The following ANGPT1 variants were observed in gnomAD, a reference collection of about 807,000 sequenced individuals.
The protein encoded by ANGPT1 is angiopoietin-1.
Under a neutral mutation model 62.2 loss-of-function variants are expected in ANGPT1, and 17 were observed. That is an observed-to-expected ratio of 0.27 (90% CI 0.19 to 0.41). The LOEUF is 0.41. Ranked by LOEUF, ANGPT1 falls within the 10% of genes least tolerant of loss-of-function variation. The pLI is 1.00. For synonymous variants in ANGPT1, 199 were observed against 198.9 expected, an observed-to-expected ratio of 1.00 and a Z score of 0.00; for missense variants, 478 against 594.9, an observed-to-expected ratio of 0.80 and a Z score of 2.04.
chr8:107,306,962 G>A (rs938157666), intron 4 of ANGPT1, among the ~76,000 whole-genome samples: 21 of 151,986 alleles, frequency 1.4e-4, no homozygotes, highest in African/African-American at 5.1e-4. Flanking sequence ...AGATGTCAGG[G>A]GGAACCTTCC....
intron 5 of ANGPT1, chr8:107,294,546 G>T (rs1257175654): frequency 6.6e-6 from 1 of 152,228 alleles, no homozygotes; most frequent in Non-Finnish European, 1.5e-5. Context: ...ATATGTACAT[G>T]TTACAGTAGA....
chr8:107,345,217 C>T (rs1815778594), intron 2 of ANGPT1, among the ~76,000 whole-genome samples: 1 of 152,112 alleles, frequency 6.6e-6, no homozygotes, highest in Admixed American at 6.5e-5. Flanking sequence ...CTCACTGTAT[C>T]TAATAAACTT....
chr8:107,298,778 T>C (rs1814481627), intron 5 of ANGPT1, among the ~76,000 whole-genome samples: 1 of 151,830 alleles, frequency 6.6e-6, no homozygotes, highest in Admixed American at 6.6e-5. Flanking sequence ...TAGTTTATTT[T>C]TTCGTCCATA....
At chr8:107,387,849 C>T (rs922391689) in intron 1 of ANGPT1, among the ~76,000 whole-genome samples, 3 of 151,690 alleles carry the variant, frequency 2.0e-5, no homozygotes, top group African/African-American at 7.3e-5. Context: ...CTTTACTTTT[C>T]CCCACAACTT....
At chr8:107,279,441 G>A (rs902810542) in intron 7 of ANGPT1, among the ~76,000 whole-genome samples, 2 of 152,144 alleles carry the variant, frequency 1.3e-5, no homozygotes, top group African/African-American at 2.4e-5. Flanking sequence ...TGTGTTTTGG[G>A]TTTATTTAAT....
intron 1 of ANGPT1, among the ~76,000 whole-genome samples, chr8:107,437,063 G>A (rs1466748901): frequency 6.6e-6 from 1 of 152,146 alleles, no homozygotes; most frequent in Non-Finnish European, 1.5e-5. Context: ...GGAACTGCTG[G>A]TTGGGTCAGA....
intron 1 of ANGPT1, among the ~76,000 whole-genome samples, chr8:107,358,848 A>G (rs1816104601): frequency 6.6e-6 from 1 of 152,174 alleles, no homozygotes; most frequent in Admixed American, 6.5e-5. Flanking sequence ...TGCCATACCT[A>G]CTTAACAGAC....
In ANGPT1 at chr8:107,438,650, C is replaced by A. The variant is rs141047345; in HGVS notation, c.297+58612G>T. Among the ~76,000 whole-genome samples the A allele has an allele frequency of 4.1e-3, 630 of 152,168 alleles. 3 individuals carry two copies. Among genetic ancestry groups the A allele is most frequent in the African/African-American group, 0.015 (608 of 41,514 alleles). The stretch of plus-strand genomic sequence containing the variant: ...TCTTTACTATTTATATAAATGTTAA[C>A]CTGATATTTTAGGCTATGGTTATCA... On this transcript the variant is annotated intron_variant, in intron 1 of 8. Coordinates refer to ENST00000517746, the MANE Select transcript of ANGPT1 (RefSeq NM_001146.5).
chr8:107,293,935 C>A lies in ANGPT1; in HGVS notation c.1038+1G>T. On this transcript the variant is annotated splice_donor_variant, in intron 6 of 8. Transcript: ENST00000517746. LOFTEE classifies it high-confidence loss of function. Reference sequence around the variant, plus strand: ...AAGCACCATAAATTCTTGCATCTTACCATTTTATATTCCTTCCAGCCTCTT... The same window carrying A: ...AAGCACCATAAATTCTTGCATCTTAACATTTTATATTCCTTCCAGCCTCTT... 1 of 1,609,788 alleles carries A rather than the reference C, an allele frequency of 6.2e-7. No individual in the cohort carries two copies.
intron 6 of ANGPT1, among the ~76,000 whole-genome samples, chr8:107,288,288 C>T (rs888105432): frequency 1.2e-4 from 19 of 152,256 alleles, no homozygotes; most frequent in African/African-American, 4.6e-4. Context: ...GCACAGACTA[C>T]TTTCTTATTC....
intron 4 of ANGPT1, among the ~76,000 whole-genome samples, chr8:107,310,952 T>A (rs1005138174): frequency 1.3e-5 from 1 of 79,626 alleles, no homozygotes. Context: ...TGTGTGTGTA[T>A]GTATGTGTGT....
intron 1 of ANGPT1, among the ~76,000 whole-genome samples, chr8:107,475,792 T>A (rs551902978): frequency 6.6e-6 from 1 of 152,212 alleles, no homozygotes; most frequent in South Asian, 2.1e-4. Flanking sequence ...AACAGACACT[T>A]CTCAAAAGAA....
chr8:107,470,176 G>A (rs552628957), intron 1 of ANGPT1, among the ~76,000 whole-genome samples: 39 of 152,080 alleles, frequency 2.6e-4, no homozygotes, highest in Non-Finnish European at 4.6e-4. Flanking sequence ...TCAATAAAAT[G>A]ATATAGTTCT....
Position 107,466,361 on chromosome 8 carries a change from C to A in ANGPT1, c.297+30901G>T, listed in dbSNP as rs577160548. Reference sequence around the variant, plus strand: ...AGGCCTCAAGGAGTCTGTGATCCAGCTCCACAGAGATGGACAACCTGGATT... The same window carrying A: ...AGGCCTCAAGGAGTCTGTGATCCAGATCCACAGAGATGGACAACCTGGATT... On this transcript the variant is annotated intron_variant, in intron 1 of 8. Coordinates refer to ENST00000517746, the MANE Select transcript of ANGPT1 (RefSeq NM_001146.5). Among the ~76,000 whole-genome samples, 5 of 152,108 alleles carry A rather than the reference C, an allele frequency of 3.3e-5. No homozygotes were observed. In the South Asian group the frequency reaches 1.0e-3, roughly 32 times the overall value.
chr8:107,306,743 T>C (rs1052926941), intron 4 of ANGPT1, among the ~76,000 whole-genome samples: 3 of 151,916 alleles, frequency 2.0e-5, no homozygotes, highest in South Asian at 2.1e-4. Context: ...ACGAGACAGA[T>C]AGATACAATA....
chr8:107,379,525 G>T (rs1473861000), intron 1 of ANGPT1, among the ~76,000 whole-genome samples: 1 of 148,276 alleles, frequency 6.7e-6, no homozygotes, highest in Non-Finnish European at 1.5e-5. Flanking sequence ...TTTTATAGAT[G>T]AAGAAACTGA....
At chr8:107,368,957 T>C (rs1009203912) in intron 1 of ANGPT1, among the ~76,000 whole-genome samples, 4 of 138,670 alleles carry the variant, frequency 2.9e-5, no homozygotes, top group Non-Finnish European at 3.2e-5. Flanking sequence ...GTCTTCAACT[T>C]AAAGTTACCA....
chr8:107,252,637 T>C lies in ANGPT1; in HGVS notation c.1337-622A>G, dbSNP rs569490463. ...CAGTAGAAAAAGTGTTCAGCAATAG[T>C]AGCCATTCAGTTCCTGTACAGCCAT... On this transcript the variant is annotated intron_variant, in intron 8 of 8. Transcript: ENST00000517746. 2.0e-5 allele frequency among the ~76,000 whole-genome samples: 3 copies of C among 152,302 alleles called. No homozygotes were observed. In the East Asian group the frequency reaches 5.8e-4, roughly 29 times the overall value.
At chr8:107,359,930 A>G (rs1816124330) in intron 1 of ANGPT1, among the ~76,000 whole-genome samples, 1 of 152,206 alleles carries the variant, frequency 6.6e-6, no homozygotes. Context: ...AACTAGAGAA[A>G]GAAAGAAATG....
Sources: gnomAD v4.1 joint callset for allele counts (sites outside exome capture counted in the v4.1 genomes callset) on GRCh38, gnomAD v4.1.1 for gene constraint, MANE v1.5 for transcripts, NCBI Gene and HGNC (gene_info 2026-07-23, HGNC 2026-07-21) for gene names.